The following MBTPS2 variants were observed in gnomAD, a reference collection of about 807,000 sequenced individuals.
MBTPS2 encodes the protein membrane-bound transcription factor site-2 protease.
MBTPS2 carries 2 observed loss-of-function variants against 35.4 expected under a neutral mutation model. The ratio of observed to expected loss-of-function variants is 0.06; its 90% CI spans 0.02 to 0.18. The LOEUF is 0.18. Ranked by LOEUF, MBTPS2 falls within the 10% of genes least tolerant of loss-of-function variation. MBTPS2 has a pLI of 1.00. For missense variants in MBTPS2, 244 were observed against 386.5 expected (o/e 0.63, Z 3.09); for synonymous variants, 125 against 140.4 (o/e 0.89, Z 0.77).
chrX:21,876,575 A>G (rs1005136772), intron 7 of MBTPS2, among the ~76,000 whole-genome samples: 9 of 109,693 alleles, frequency 8.2e-5, no homozygotes, highest in African/African-American at 2.6e-4. Flanking sequence ...AAAAAAAAAA[A>G]AAAGAAAACA....
intron 7 of MBTPS2, chrX:21,870,220 C>CAT (rs2147448829): frequency 1.2e-5 from 1 of 82,987 alleles, no homozygotes; most frequent in East Asian, 3.8e-4. Context: ...GACTCTGTCT[C>CAT]AAAAAAAAAA....
At chrX:21,862,127 C>T (rs766492797) in intron 5 of MBTPS2, among the ~76,000 whole-genome samples, 14 of 111,266 alleles carry the variant, frequency 1.3e-4, no homozygotes, top group Non-Finnish European at 2.6e-4. Context: ...CATTACAGCC[C>T]ACAGTACAGG....
chrX:21,863,263 C>CAAAAAAAAAA (rs58548977), intron 5 of MBTPS2, among the ~76,000 whole-genome samples: 1 of 57,542 alleles, frequency 1.7e-5, no homozygotes. Context: ...GAGACTGTCT[C>CAAAAAAAAAA]AAAAAAAAAA....
intron 5 of MBTPS2, among the ~76,000 whole-genome samples, chrX:21,864,616 G>T (rs2092937300): frequency 9.0e-6 from 1 of 110,981 alleles, no homozygotes; most frequent in African/African-American, 3.3e-5. Flanking sequence ...GAGCTCAGAA[G>T]TTTGAGACCA....
At chrX:21,847,502 C>G (rs1410430128) in intron 3 of MBTPS2, among the ~76,000 whole-genome samples, 1 of 112,149 alleles carries the variant, frequency 8.9e-6, no homozygotes, top group Non-Finnish European at 1.9e-5. Flanking sequence ...TCTGGTACAT[C>G]TGATACCCTG....
intron 1 of MBTPS2, among the ~76,000 whole-genome samples, chrX:21,841,279 A>G (rs1282216299): frequency 9.0e-6 from 1 of 111,607 alleles, no homozygotes. Flanking sequence ...AAGTTAGCCA[A>G]CCATGGTGGT....
At position 21,852,848 on chromosome X, in the gene MBTPS2, C is replaced by T. The variant is rs1357865970; in HGVS notation, c.543-528C>T. Among the ~76,000 whole-genome samples, 4 of 108,210 alleles carry T rather than the reference C, an allele frequency of 3.7e-5. No individual in the cohort carries two copies. The East Asian group carries it at 8.7e-4, about 24-fold the overall frequency. The allele number at this position is 108,210 out of a possible 115,157, so 94.0% of individuals were successfully genotyped here. On this transcript the variant is annotated intron_variant, in intron 4 of 10. Transcript: ENST00000379484. ...AAAACCTGCTGAAAAAACTGGTTCT[C>T]TTAAGGACAATCTGAGCATTATGCA... is the stretch of plus-strand genomic sequence containing the variant.
chrX:21,860,041 G>A (rs1308431887), intron 5 of MBTPS2, among the ~76,000 whole-genome samples: 1 of 107,308 alleles, frequency 9.3e-6, no homozygotes, highest in Non-Finnish European at 1.9e-5. Flanking sequence ...GCGGTGAGCC[G>A]TGATCGAGCC....
At chrX:21,859,713 A>T (rs2092928794) in intron 5 of MBTPS2, among the ~76,000 whole-genome samples, 1 of 112,012 alleles carries the variant, frequency 8.9e-6, no homozygotes, top group South Asian at 3.7e-4. Flanking sequence ...TGCTACTGGC[A>T]TCTGGTGGGT....
At position 21,839,734 on chromosome X, in the gene MBTPS2, C is replaced by T; in HGVS notation, c.-1C>T. 2 of 1,185,086 alleles carry T rather than the reference C, an allele frequency of 1.7e-6. No individual in the cohort carries two copies. The highest frequency in any genetic ancestry group is 2.3e-6 in the Non-Finnish European group (2 of 881,551). On this transcript the variant is annotated 5_prime_UTR_variant, in exon 1 of 11. Coordinates refer to ENST00000379484, the MANE Select transcript of MBTPS2 (RefSeq NM_015884.4). The stretch of plus-strand genomic sequence containing the variant: ...TTCCCTCCTCTGCCGCCGCTGCCGC[C>T]ATGATTCCGGTGTCGCTGGTGGTGG...
intron 9 of MBTPS2, 48 bp from the exon 10 acceptor site, chrX:21,880,849 A>G: frequency 1.1e-6 from 1 of 873,807 alleles, no homozygotes; most frequent in South Asian, 2.0e-5. Context: ...AATGCTGTTG[A>G]TTCTCTGGTA....
chrX:21,862,933 C>CATATATATATATATATAT (rs542223686), intron 5 of MBTPS2, among the ~76,000 whole-genome samples: 556 of 27,576 alleles, frequency 0.02, 68 homozygotes, highest in East Asian at 0.049. Context: ...TATATATAAA[C>CATATATATATATATATAT]ATATATATAT....
chrX:21,881,628 T>A (rs1910034902), intron 10 of MBTPS2, among the ~76,000 whole-genome samples: 1 of 111,827 alleles, frequency 8.9e-6, no homozygotes, highest in Non-Finnish European at 1.9e-5. Context: ...CAGTTATTTT[T>A]AAAAAATGTG....
At chrX:21,881,924 A>G (rs1005318077) in intron 10 of MBTPS2, among the ~76,000 whole-genome samples, 2 of 111,688 alleles carry the variant, frequency 1.8e-5, no homozygotes, top group Non-Finnish European at 3.8e-5. Flanking sequence ...CGACAGAGCT[A>G]GACTCCATCT....
chrX:21,846,002 T>G (rs2092908271), intron 3 of MBTPS2, among the ~76,000 whole-genome samples: 1 of 111,971 alleles, frequency 8.9e-6, no homozygotes, highest in South Asian at 3.7e-4. Flanking sequence ...CCATGAGTCA[T>G]GGATGTTGTT....
intron 5 of MBTPS2, chrX:21,856,506 T>G: frequency 8.3e-7 from 1 of 1,208,943 alleles, no homozygotes; most frequent in Non-Finnish European, 1.1e-6. Context: ...CGAAGATTTC[T>G]CCATCACACA....
In MBTPS2 at chrX:21,884,153, G is replaced by T. The variant is rs749472049; in HGVS notation, c.*1498G>T. 1.8e-5 allele frequency: 13 copies of T among 711,602 alleles called. No homozygotes were observed. Among genetic ancestry groups the T allele is most frequent in the African/African-American group, 2.4e-5 (1 of 42,411 alleles). 58.6% of individuals were successfully genotyped at this position (711,602 alleles called of 1,213,427 possible). A position where few individuals can be genotyped will look rare whatever the true frequency, so the allele number is the denominator to read the frequency against. On this transcript the variant is annotated 3_prime_UTR_variant, in exon 11 of 11. Coordinates refer to ENST00000379484, the MANE Select transcript of MBTPS2 (RefSeq NM_015884.4). ...TACAAATTTGCCTTAACAGTAATTA[G>T]ATGTTGAATATAATTTTAACATTTT...
At chrX:21,840,260 T>C (rs181717142) in intron 1 of MBTPS2, among the ~76,000 whole-genome samples, 1 of 112,863 alleles carries the variant, frequency 8.9e-6, no homozygotes, top group African/African-American at 3.2e-5. Context: ...AATTTTTAAA[T>C]GCATATGATC....
chrX:21,863,101 A>AC (rs1212899667), intron 5 of MBTPS2, among the ~76,000 whole-genome samples: 4 of 95,211 alleles, frequency 4.2e-5, no homozygotes, highest in Non-Finnish European at 8.4e-5. Flanking sequence ...TAGAAAAAAA[A>AC]ACACACACAC....
Sources: allele counts gnomAD v4.1 joint callset (sites outside exome capture counted in the v4.1 genomes callset), GRCh38; gene constraint gnomAD v4.1.1; transcripts MANE v1.5; gene names NCBI Gene and HGNC (gene_info 2026-07-23, HGNC 2026-07-21).